The following PCDHA6 variants were observed in gnomAD, a reference collection of about 807,000 sequenced individuals.
PCDHA6 encodes protocadherin alpha-6.
Under a neutral mutation model 60.3 loss-of-function variants are expected in PCDHA6, and 55 were observed. The ratio of observed to expected loss-of-function variants is 0.91; its 90% CI spans 0.73 to 1.14. The LOEUF (loss-of-function observed/expected upper bound fraction) is 1.14, where lower values mean the gene tolerates loss of function less well. Ranked by LOEUF, PCDHA6 falls within the 50% of genes most tolerant of loss-of-function variation. PCDHA6 has a pLI of 0.00. For synonymous variants in PCDHA6, 652 were observed against 557.9 expected (o/e 1.17, Z -2.38); for missense variants, 1,327 against 1,256.5 (o/e 1.06, Z -0.85).
At chr5:140,975,594 A>G (rs914837592) in intron 1 of PCDHA6, among the ~76,000 whole-genome samples, 3 of 152,236 alleles carry the variant, frequency 2.0e-5, no homozygotes, top group Admixed American at 2.0e-4. Flanking sequence ...CCAGAGGGCA[A>G]TTTGTTGATG....
intron 1 of PCDHA6, chr5:140,884,505 G>A: frequency 6.2e-7 from 1 of 1,614,170 alleles, no homozygotes. Context: ...AGCGCGGCAG[G>A]GAGTTGGTCG....
intron 1 of PCDHA6, chr5:140,841,450 C>G: frequency 6.2e-7 from 1 of 1,612,936 alleles, no homozygotes; most frequent in Non-Finnish European, 8.5e-7. Context: ...AACACGGCAC[C>G]TTCGTGGGCC....
At chr5:140,858,510 T>A (rs565313627) in intron 1 of PCDHA6, 1 of 1,437,158 alleles carries the variant, frequency 7.0e-7, no homozygotes. Context: ...TTCTCAAATA[T>A]GTATCAGAAT....
intron 1 of PCDHA6, among the ~76,000 whole-genome samples, chr5:140,915,626 G>GTCTCTCTCTCTCTCTC (rs57920489): frequency 1.4e-5 from 2 of 146,436 alleles, no homozygotes; most frequent in African/African-American, 2.5e-5. Context: ...GTCTCTTTCT[G>GTCTCTCTCTCTCTCTC]TCTCTCTCTC....
At position 141,010,067 on chromosome 5, in the gene PCDHA6, G is replaced by C; in HGVS notation, c.*130G>C. 6.2e-7 allele frequency: 1 copy of C among 1,604,516 alleles called. No homozygotes were observed. The highest frequency in any genetic ancestry group is 1.1e-5 in the South Asian group (1 of 89,502). ...TAGAGACCTCAGAAATCTGCAGAAA[G>C]TTCCCTGTGTCTGTCTAGAACGCAT... On this transcript the variant is annotated 3_prime_UTR_variant, in exon 4 of 4. Coordinates refer to ENST00000529310, the MANE Select transcript of PCDHA6 (RefSeq NM_018909.4).
intron 1 of PCDHA6, among the ~76,000 whole-genome samples, chr5:140,891,498 G>C (rs566885852): frequency 6.6e-6 from 1 of 151,186 alleles, no homozygotes; most frequent in East Asian, 1.9e-4. Flanking sequence ...CATATCCTCA[G>C]CTATAATGTT....
intron 1 of PCDHA6, chr5:140,877,744 G>A (rs200651425): frequency 6.2e-7 from 1 of 1,614,080 alleles, no homozygotes; most frequent in African/African-American, 1.3e-5. Flanking sequence ...GAGGCAGAGG[G>A]TGTGCTCTGC....
At chr5:140,908,933 C>T (rs1554193565) in intron 1 of PCDHA6, among the ~76,000 whole-genome samples, 1 of 152,186 alleles carries the variant, frequency 6.6e-6, no homozygotes, top group East Asian at 1.9e-4. Context: ...AATGCAGCAA[C>T]TTATCCTTCA....
chr5:140,926,798 C>T (rs1584463033), intron 1 of PCDHA6: 2 of 1,455,342 alleles, frequency 1.4e-6, no homozygotes, highest in East Asian at 2.5e-5. Context: ...GGAGCGTGCT[C>T]TTCCCCGCGG....
At chr5:140,967,872 A>C (rs2096192784) in intron 1 of PCDHA6, 2 of 1,614,034 alleles carry the variant, frequency 1.2e-6, no homozygotes, top group Non-Finnish European at 1.7e-6. Context: ...GTGCTCACGG[A>C]CCTGTATAGC....
chr5:140,882,066 T>G (rs1198525083), intron 1 of PCDHA6: 1 of 845,446 alleles, frequency 1.2e-6, no homozygotes, highest in East Asian at 2.7e-5. Context: ...TACACGTTCA[T>G]GCGCATGGTG....
At chr5:140,886,257 T>C (rs1391638514) in intron 1 of PCDHA6, among the ~76,000 whole-genome samples, 38 of 152,026 alleles carry the variant, frequency 2.5e-4, no homozygotes, top group Admixed American at 2.5e-3. Context: ...AGTATCTCTA[T>C]TTATAGATAA....
intron 3 of PCDHA6, among the ~76,000 whole-genome samples, chr5:140,991,118 A>T (rs2153893669): frequency 6.6e-6 from 1 of 152,340 alleles, no homozygotes; most frequent in South Asian, 2.1e-4. Context: ...GCTTTCTTAC[A>T]TTCACACAGC....
rs114173550 is a variant in PCDHA6, at chr5:140,996,928, G to T, written c.2543-12699G>T. Among the ~76,000 whole-genome samples the T allele has an allele frequency of 1.8e-3, 279 of 152,148 alleles. 1 individual carries two copies. Among genetic ancestry groups the T allele is most frequent in the Non-Finnish European group, 3.0e-3 (203 of 67,996 alleles). ...GTTGAAGTAAATATTAAAAAATATA[G>T]CATTTTTGCATAGAAATATTTATTT... On this transcript the variant is annotated intron_variant, in intron 3 of 3. Coordinates refer to ENST00000529310, the MANE Select transcript of PCDHA6 (RefSeq NM_018909.4).
At chr5:140,863,590 A>G (rs1182896433) in intron 1 of PCDHA6, 1 of 358,846 alleles carries the variant, frequency 2.8e-6, no homozygotes, top group African/African-American at 2.1e-5. Flanking sequence ...CCTGGAAAGT[A>G]TTTCATTCCT....
At chr5:140,872,083 C>G (rs377675529) in intron 1 of PCDHA6, among the ~76,000 whole-genome samples, 1 of 152,284 alleles carries the variant, frequency 6.6e-6, no homozygotes, top group East Asian at 1.9e-4. Context: ...TGCAGTGCCA[C>G]TGCACTTAGT....
At chr5:140,883,133 G>C in intron 1 of PCDHA6, 1 of 1,614,112 alleles carries the variant, frequency 6.2e-7, no homozygotes, top group Non-Finnish European at 8.5e-7. Flanking sequence ...ATGGCCTGCA[G>C]TGGTATATGC....
intron 1 of PCDHA6, among the ~76,000 whole-genome samples, chr5:140,900,156 T>G (rs1219079675): frequency 3.3e-5 from 5 of 152,180 alleles, no homozygotes; most frequent in African/African-American, 1.2e-4. Flanking sequence ...CATACGATAT[T>G]TGTCTTTCTG....
intron 1 of PCDHA6, among the ~76,000 whole-genome samples, chr5:140,837,930 T>G (rs1775322369): frequency 6.6e-6 from 1 of 151,780 alleles, no homozygotes. Flanking sequence ...CCTCCTACCT[T>G]GGCCTCCCAA....
Sources: gnomAD v4.1 joint callset for allele counts (sites outside exome capture counted in the v4.1 genomes callset) on GRCh38, gnomAD v4.1.1 for gene constraint, MANE v1.5 for transcripts, NCBI Gene and HGNC (gene_info 2026-07-23, HGNC 2026-07-21) for gene names.